Variants in UBALD1 observed in about 807,000 individuals in gnomAD.
UBALD1 encodes the protein UBA-like domain-containing protein 1.
In UBALD1, 5 loss-of-function variants were observed where a neutral mutation model predicts 16.1. The observed-to-expected ratio is 0.31, with a 90% CI of 0.16 to 0.66. The LOEUF (loss-of-function observed/expected upper bound fraction) is 0.66, where lower values mean the gene tolerates loss of function less well. Among genes scored for constraint, UBALD1 ranks in the 30% least tolerant of loss-of-function variants. The pLI, the probability that UBALD1 is intolerant of heterozygous loss-of-function variation, is 0.77. For synonymous variants in UBALD1, 146 were observed against 105.3 expected, an observed-to-expected ratio of 1.39 and a Z score of -2.37; for missense variants, 220 against 252.8, an observed-to-expected ratio of 0.87 and a Z score of 0.88.
At position 4,609,857 on chromosome 16, in the gene UBALD1, C is replaced by G; in HGVS notation, c.310G>C (p.Ala104Pro). 1 of 1,516,542 alleles carries G rather than the reference C, an allele frequency of 6.6e-7. No individual in the cohort carries two copies. The highest frequency in any genetic ancestry group is 2.3e-5 in the East Asian group (1 of 42,596). The allele number at this position is 1,516,542 out of a possible 1,614,324, so 93.9% of individuals were successfully genotyped here. ...GGGAAGTGTGGCGGGGGTGACGTGGCTGTCGCGGCCATCGGGCTGCCGCTG... is the reference window on the plus strand; with the variant it reads ...GGGAAGTGTGGCGGGGGTGACGTGGGTGTCGCGGCCATCGGGCTGCCGCTG... ...GGSGSPMAATATSPPPHFPHA... is the reference protein window; with the variant it reads ...GGSGSPMAATPTSPPPHFPHA... Residue 104 changes from alanine to proline, a missense_variant, in exon 3 of 3, where the codon GCC becomes CCC. Around this residue, in one of 2 missense-constraint regions of UBALD1, gnomAD observed 151 missense variants for 132.6 expected, o/e 1.14. Transcript: ENST00000283474.
intron 1 of UBALD1, among the ~76,000 whole-genome samples, chr16:4,613,685 C>T (rs774335469): frequency 2.0e-5 from 3 of 152,186 alleles, no homozygotes; most frequent in Non-Finnish European, 4.4e-5. Flanking sequence ...TGGCCTCATC[C>T]CCTGATACCA....
At chr16:4,613,253 G>A (rs926074954) in intron 1 of UBALD1, among the ~76,000 whole-genome samples, 6 of 152,188 alleles carry the variant, frequency 3.9e-5, no homozygotes, top group Non-Finnish European at 8.8e-5. Context: ...CTGCCTTGGG[G>A]CACAGGGGGC....
chr16:4,609,610 C>A lies in UBALD1; in HGVS notation c.*23G>T. 1 of 1,149,426 alleles carries A rather than the reference C, an allele frequency of 8.7e-7. No individual in the cohort carries two copies. Among genetic ancestry groups the A allele is most frequent in the Non-Finnish European group, 1.2e-6 (1 of 862,788 alleles). 71.2% of individuals were successfully genotyped at this position (1,149,426 alleles called of 1,614,324 possible). A position where few individuals can be genotyped will look rare whatever the true frequency, so the allele number is the denominator to read the frequency against. ...CCCCCGCCCCACGGGGTCCTGGCCT[C>A]CGGGAGGGGGGAGGGGCCTCCCTTA... On this transcript the variant is annotated 3_prime_UTR_variant, in exon 3 of 3. Transcript: ENST00000283474.
intron 1 of UBALD1, 155 bp downstream of exon 1, chr16:4,614,523 A>G (rs1199249532): frequency 8.0e-7 from 1 of 1,252,988 alleles, no homozygotes; most frequent in Non-Finnish European, 1.0e-6. Context: ...TGGGATCCGG[A>G]CGCCGGGCAC....
chr16:4,610,948 G>A (rs1026080149), intron 1 of UBALD1: 7 of 400,598 alleles, frequency 1.7e-5, no homozygotes, highest in Admixed American at 4.3e-5. Flanking sequence ...ACCCTGCCCC[G>A]TTTCAGGAGA....
Position 4,614,871 on chromosome 16 carries a change from G to A in UBALD1, c.-74C>T. 3.0e-6 allele frequency: 4 copies of A among 1,355,612 alleles called. No homozygotes were observed. The highest frequency in any genetic ancestry group is 1.9e-6 in the Non-Finnish European group (2 of 1,039,504). 84.0% of individuals were successfully genotyped at this position (1,355,612 alleles called of 1,614,324 possible). Reference sequence around the variant, plus strand: ...CGCCTCACGCGTCCACCATTAGCGAGCCGGCTCCGGCTAATACAAATATTT... The same window carrying A: ...CGCCTCACGCGTCCACCATTAGCGAACCGGCTCCGGCTAATACAAATATTT... On this transcript the variant is annotated 5_prime_UTR_variant, in exon 1 of 3. Coordinates refer to ENST00000283474, the MANE Select transcript of UBALD1 (RefSeq NM_145253.3).
chr16:4,610,580 AC>A (rs1897346941), intron 1 of UBALD1, 25 bp from the exon 2 acceptor site: 1 of 1,576,050 alleles, frequency 6.3e-7, no homozygotes, highest in African/African-American at 1.3e-5. Flanking sequence ...GCCCCTGCTC[AC>A]CCTCCAGGCC....
At position 4,609,565 on chromosome 16, in the gene UBALD1, G is replaced by T. The variant is rs1897330664; in HGVS notation, c.*68C>A. The T allele has an allele frequency of 1.5e-6, 1 of 670,486 alleles. No homozygotes were observed. Among genetic ancestry groups the T allele is most frequent in the South Asian group, 4.0e-5 (1 of 25,220 alleles). 41.5% of individuals were successfully genotyped at this position (670,486 alleles called of 1,614,324 possible). On this transcript the variant is annotated 3_prime_UTR_variant, in exon 3 of 3. Coordinates refer to ENST00000283474, the MANE Select transcript of UBALD1 (RefSeq NM_145253.3). ...GTGCAGACAGAAAAGGGGTGAAGGG[G>T]GCCCGCAGAGACGTCCTCTCCCCCG...
chr16:4,609,837 G>T lies in UBALD1; in HGVS notation c.330C>A (p.His110Gln). 6.5e-7 allele frequency: 1 copy of T among 1,532,092 alleles called. No individual in the cohort carries two copies. The highest frequency in any genetic ancestry group is 8.8e-7 in the Non-Finnish European group (1 of 1,139,578). The allele number at this position is 1,532,092 out of a possible 1,614,324, so 94.9% of individuals were successfully genotyped here. The stretch of plus-strand genomic sequence containing the variant: ...AGCTGCTGGTGGCGGCATGGGGGAA[G>T]TGTGGCGGGGGTGACGTGGCTGTCG... ...MAATATSPPP[H>Q]FPHAATSSSA... Residue 110 changes from histidine (H) to glutamine (Q), a missense_variant, in exon 3 of 3, where the codon CAC becomes CAA. Coordinates refer to ENST00000283474, the MANE Select transcript of UBALD1 (RefSeq NM_145253.3).
chr16:4,613,766 G>A (rs1447011367), intron 1 of UBALD1, among the ~76,000 whole-genome samples: 1 of 152,196 alleles, frequency 6.6e-6, no homozygotes, highest in Non-Finnish European at 1.5e-5. Context: ...GCACAAGCCA[G>A]GAGCACTACT....
At chr16:4,614,492 C>T in intron 1 of UBALD1, 186 bp downstream of exon 1, 1 of 1,056,680 alleles carries the variant, frequency 9.5e-7, no homozygotes. Flanking sequence ...CCGGTTCCCA[C>T]CTCCGCCCGC....
chr16:4,610,585 C>G (rs373816037), intron 1 of UBALD1, 30 bp from the exon 2 acceptor site: 447 of 1,589,444 alleles, frequency 2.8e-4, no homozygotes, highest in Non-Finnish European at 3.7e-4. Flanking sequence ...TGCTCACCCT[C>G]CAGGCCCCCG....
chr16:4,610,134 C>T, intron 2 of UBALD1, 151 bp from the exon 3 acceptor site: 3 of 766,104 alleles, frequency 3.9e-6, no homozygotes, highest in East Asian at 2.7e-5. Context: ...CCAGGGGTTC[C>T]CAGAGGAGAA....
rs1897405317 is a variant in UBALD1, at chr16:4,614,790, A to G, written c.8T>C (p.Val3Ala). ...CTGGTGCTTGAGCTCGTCCATGTTC[A>G]CGGACATGGCGCCGCCGCGCTGCCC... Reference protein sequence around the residue: MSVNMDELKHQVM... With the variant: MSANMDELKHQVM... The change falls in exon 1 of 3, where the codon GTG (valine) becomes GCG (alanine). Residue 3 changes from valine to alanine, a missense_variant. Val to Ala is a moderately conservative substitution (Grantham distance 64, BLOSUM62 0). This residue lies in a region of UBALD1 where 69 missense variants were observed against 120.3 expected (regional missense o/e 0.57). Coordinates refer to ENST00000283474, the MANE Select transcript of UBALD1 (RefSeq NM_145253.3). The G allele has an allele frequency of 2.0e-6, 3 of 1,514,310 alleles. No individual in the cohort carries two copies. The highest frequency in any genetic ancestry group is 2.2e-5 in the Admixed American group (1 of 45,446). 93.8% of individuals were successfully genotyped at this position (1,514,310 alleles called of 1,614,324 possible). A position where few individuals can be genotyped will look rare whatever the true frequency, so the allele number is the denominator to read the frequency against.
intron 1 of UBALD1, among the ~76,000 whole-genome samples, chr16:4,613,178 C>T (rs564088336): frequency 6.6e-6 from 1 of 152,276 alleles, no homozygotes; most frequent in Admixed American, 6.5e-5. Context: ...CAGCCCCTGA[C>T]ACAAACAGGG....
In UBALD1 at chr16:4,609,788, C is replaced by T. The variant is rs1389344174; in HGVS notation, c.379G>A (p.Ala127Thr). 4 of 1,503,016 alleles carry T rather than the reference C, an allele frequency of 2.7e-6. No individual in the cohort carries two copies. The South Asian group carries it at 4.0e-5, about 15-fold the overall frequency. The allele number at this position is 1,503,016 out of a possible 1,614,324, so 93.1% of individuals were successfully genotyped here. Residue 127 changes from alanine (A) to threonine (T), a missense_variant, in exon 3 of 3, where the codon GCG becomes ACG. Coordinates refer to ENST00000283474, the MANE Select transcript of UBALD1 (RefSeq NM_145253.3). Reference protein sequence around the residue: ...SSSAASSWPTAASPPGGPQHH... With the variant: ...SSSAASSWPTTASPPGGPQHH... ...TGTGGGCCCCCCGGGGGCGAGGCCG[C>T]CGTGGGCCAGCTGGAGGCCGCAGAG... is the stretch of plus-strand genomic sequence containing the variant.
intron 1 of UBALD1, chr16:4,611,005 T>C (rs2141784355): frequency 3.0e-6 from 1 of 334,554 alleles, no homozygotes; most frequent in Non-Finnish European, 5.4e-6. Flanking sequence ...GTCTCTACTC[T>C]TCTCTAAGCC....
intron 2 of UBALD1, 100 bp downstream of exon 2, chr16:4,610,393 A>G (rs1567146554): frequency 1.5e-6 from 2 of 1,331,980 alleles, no homozygotes; most frequent in Admixed American, 2.5e-5. Context: ...CCCCGCCTGC[A>G]CCAGCGCCCT....
chr16:4,610,091 T>G (rs976484912), intron 2 of UBALD1, 108 bp from the exon 3 acceptor site: 3 of 902,046 alleles, frequency 3.3e-6, no homozygotes, highest in African/African-American at 3.3e-5. Flanking sequence ...AGGCTCTGTG[T>G]TCCTTCCCCA....
Sources: allele counts gnomAD v4.1 joint callset (sites outside exome capture counted in the v4.1 genomes callset), GRCh38; gene constraint gnomAD v4.1.1; regional missense constraint gnomAD v4.1.1; transcripts MANE v1.5; gene names NCBI Gene and HGNC (gene_info 2026-07-23, HGNC 2026-07-21).